TAB1: variants seen among roughly 807,000 people sequenced by gnomAD.
TAB1 encodes TGF-beta activated kinase 1 (MAP3K7) binding protein 1.
Under a neutral mutation model 54.5 loss-of-function variants are expected in TAB1, and 30 were observed. The ratio of observed to expected loss-of-function variants is 0.55; its 90% CI spans 0.41 to 0.75. The LOEUF is 0.75. Ranked by LOEUF, TAB1 falls within the 30% of genes least tolerant of loss-of-function variation. TAB1 has a pLI of 0.00. For missense variants in TAB1, 609 were observed against 683.2 expected (o/e 0.89, Z 1.21); for synonymous variants, 289 against 286.9 (o/e 1.01, Z -0.07).
rs1217315046 is a variant in TAB1, at chr22:39,399,783, C to G, written c.-20C>G. 1 of 1,582,232 alleles carries G rather than the reference C, an allele frequency of 6.3e-7. No homozygotes were observed. Among genetic ancestry groups the G allele is most frequent in the East Asian group, 2.3e-5 (1 of 43,342 alleles). Reference sequence around the variant, plus strand: ...GCTGCTCTGCGGGGAGGCGGGCGCTCCCGCAGGGGTTCCTCCAAGATGGCG... The same window carrying G: ...GCTGCTCTGCGGGGAGGCGGGCGCTGCCGCAGGGGTTCCTCCAAGATGGCG... On this transcript the variant is annotated 5_prime_UTR_variant, in exon 1 of 11. Transcript: ENST00000216160.
chr22:39,432,316 T>C (rs1004126371), downstream of TAB1: 3 of 152,230 alleles, frequency 2.0e-5, no homozygotes, highest in African/African-American at 7.2e-5. Context: ...CTTTACTGGG[T>C]TTTGCTTTGG....
intron 1 of TAB1, among the ~76,000 whole-genome samples, chr22:39,408,471 T>A (rs1385098029): frequency 2.0e-5 from 3 of 152,328 alleles, no homozygotes; most frequent in African/African-American, 7.2e-5. Flanking sequence ...TCTTTACTTG[T>A]GGAAGACAAT....
At chr22:39,434,772 C>T (rs887594252), downstream of TAB1, among the ~76,000 whole-genome samples, 1 of 152,258 alleles carries the variant, frequency 6.6e-6, no homozygotes, top group Non-Finnish European at 1.5e-5. Context: ...TCCTGGTTCT[C>T]CCATCACAGA....
At chr22:39,433,765 C>T, downstream of TAB1, 25 of 985,436 alleles carry the variant, frequency 2.5e-5, no homozygotes, top group Non-Finnish European at 3.0e-5. Context: ...CTCCAGGCTG[C>T]TCAGACATCA....
Position 39,419,550 on chromosome 22 carries a change from G to A in TAB1, c.696G>A (p.Gly232=). The change falls in exon 7 of 11, where the codon GGG becomes GGA. Residue 232 remains glycine, a synonymous_variant. Transcript: ENST00000216160. The part of the protein sequence containing the change: ...GLDAGKIKQV[G]IICGQESTRR... Reference sequence around the variant, plus strand: ...ATGCTGGAAAGATCAAGCAGGTGGGGATCATCTGTGGGCAGGAGAGCACCC... The same window carrying A: ...ATGCTGGAAAGATCAAGCAGGTGGGAATCATCTGTGGGCAGGAGAGCACCC... 4 of 1,612,826 alleles carry A rather than the reference G, an allele frequency of 2.5e-6. No homozygotes were observed. Among genetic ancestry groups the A allele is most frequent in the Non-Finnish European group, 3.4e-6 (4 of 1,179,162 alleles).
chr22:39,406,869 A>G (rs1368530273), intron 1 of TAB1, among the ~76,000 whole-genome samples: 4 of 152,068 alleles, frequency 2.6e-5, no homozygotes, highest in African/African-American at 4.8e-5. Flanking sequence ...TCTTGACCTC[A>G]TGATCTGCCC....
At chr22:39,426,388 C>T (rs1323282311) in intron 8 of TAB1, among the ~76,000 whole-genome samples, 1 of 152,060 alleles carries the variant, frequency 6.6e-6, no homozygotes, top group Non-Finnish European at 1.5e-5. Flanking sequence ...TTTTTAGTGG[C>T]TGGCAGAGTG....
chr22:39,411,530 C>G (rs892399480), intron 1 of TAB1, among the ~76,000 whole-genome samples: 1 of 152,162 alleles, frequency 6.6e-6, no homozygotes, highest in East Asian at 1.9e-4. Context: ...ATTAAAGTCA[C>G]GATGAGCTAC....
intron 1 of TAB1, among the ~76,000 whole-genome samples, chr22:39,401,014 G>A (rs978311970): frequency 1.1e-4 from 15 of 130,490 alleles, no homozygotes; most frequent in Non-Finnish European, 9.2e-5. Flanking sequence ...AGCCTGGAGC[G>A]ACAGAGCGAG....
chr22:39,414,351 C>T lies in TAB1; in HGVS notation c.34-655C>T, dbSNP rs184661510. Among the ~76,000 whole-genome samples the T allele has an allele frequency of 3.5e-3, 540 of 152,262 alleles. 6 individuals carry two copies. Among genetic ancestry groups the T allele is most frequent in the African/African-American group, 0.013 (520 of 41,536 alleles). ...ATGTGGCAGGGGAGATGGGAGAGGA[C>T]ATCGGGGTGGCATGAGGATGTCCTA... On this transcript the variant is annotated intron_variant, in intron 1 of 10. Coordinates refer to ENST00000216160, the MANE Select transcript of TAB1 (RefSeq NM_006116.3).
intron 6 of TAB1, among the ~76,000 whole-genome samples, chr22:39,419,128 G>C (rs1375470992): frequency 2.0e-5 from 3 of 152,208 alleles, no homozygotes; most frequent in African/African-American, 7.2e-5. Context: ...GGAGTGCCTG[G>C]CACACAGAAG....
Position 39,417,716 on chromosome 22 carries a change from C to A in TAB1, c.417C>A (p.Val139=). The change falls in exon 5 of 11, where the codon GTC becomes GTA. Residue 139 remains valine, a synonymous_variant. Coordinates refer to ENST00000216160, the MANE Select transcript of TAB1 (RefSeq NM_006116.3). ...CCCTCTGTTGATGGTTGTAGGGAGTCCCTCAGCACCAGCTGCCTCCTCAGT... is the reference window on the plus strand; with the variant it reads ...CCCTCTGTTGATGGTTGTAGGGAGTACCTCAGCACCAGCTGCCTCCTCAGT... The part of the protein sequence containing the change: ...ASLQSQLPEG[V]PQHQLPPQYQ... The A allele has an allele frequency of 6.2e-7, 1 of 1,608,340 alleles. No homozygotes were observed. Among genetic ancestry groups the A allele is most frequent in the Non-Finnish European group, 8.5e-7 (1 of 1,177,182 alleles).
Position 39,421,928 on chromosome 22 carries a change from A to G in TAB1, c.878A>G (p.Tyr293Cys), listed in dbSNP as rs1419057086. The change falls in exon 8 of 11, where the codon TAC becomes TGC. Residue 293 changes from tyrosine to cysteine, a missense_variant. By Grantham distance (194) the Tyr-to-Cys change is radical. Coordinates refer to ENST00000216160, the MANE Select transcript of TAB1 (RefSeq NM_006116.3). ...TTGGTGCTGATGTCGGAGGGGTTGT[A>G]CAAGGCCCTAGAGGCAGCCCATGGG... ...GFLVLMSEGL[Y>C]KALEAAHGPG... The G allele has an allele frequency of 2.5e-6, 4 of 1,608,592 alleles. No homozygotes were observed. The African/African-American group carries it at 5.4e-5, about 22-fold the overall frequency.
At chr22:39,414,498 G>A (rs1039732498) in intron 1 of TAB1, among the ~76,000 whole-genome samples, 7 of 152,222 alleles carry the variant, frequency 4.6e-5, no homozygotes, top group Non-Finnish European at 8.8e-5. Flanking sequence ...CTCCAGGCTG[G>A]GTCTTAGGTC....
At chr22:39,436,352 A>G, downstream of TAB1, 1 of 680,850 alleles carries the variant, frequency 1.5e-6, no homozygotes. Context: ...CTGACGTGTA[A>G]TATCTCATTT....
chr22:39,420,141 C>T (rs1927006603), intron 7 of TAB1, among the ~76,000 whole-genome samples: 1 of 152,206 alleles, frequency 6.6e-6, no homozygotes, highest in East Asian at 1.9e-4. Flanking sequence ...GGACATCACC[C>T]CAGCGCTCAT....
intron 7 of TAB1, among the ~76,000 whole-genome samples, chr22:39,420,882 C>CTCTGTGTG (rs5845426): frequency 7.0e-5 from 1 of 14,388 alleles, no homozygotes; most frequent in African/African-American, 3.0e-4. Flanking sequence ...GTGTCTCTCT[C>CTCTGTGTG]TGTGTGTGTG....
chr22:39,416,974 C>G, intron 4 of TAB1, 97 bp downstream of exon 4: 1 of 1,241,646 alleles, frequency 8.1e-7, no homozygotes, highest in East Asian at 2.5e-5. Flanking sequence ...TGGGCCAGAG[C>G]AACAGGCGTT....
chr22:39,434,807 G>A (rs1927724574), downstream of TAB1, among the ~76,000 whole-genome samples: 1 of 152,368 alleles, frequency 6.6e-6, no homozygotes, highest in East Asian at 1.9e-4. Context: ...GCAGGAGTGG[G>A]CCTGAGAGCC....
Sources: allele counts gnomAD v4.1 joint callset (sites outside exome capture counted in the v4.1 genomes callset), GRCh38; gene constraint gnomAD v4.1.1; transcripts MANE v1.5; gene names NCBI Gene and HGNC (gene_info 2026-07-23, HGNC 2026-07-21).